Variants in MACROD2 observed in about 807,000 individuals in gnomAD.
MACROD2 encodes the protein ADP-ribose glycohydrolase MACROD2.
In MACROD2, 36 loss-of-function variants were observed where a neutral mutation model predicts 70.4. The observed-to-expected ratio is 0.51, with a 90% confidence interval of 0.39 to 0.68. The LOEUF is 0.68. MACROD2 is among the 30% of genes least tolerant of loss of function. MACROD2 has a pLI of 0.00. For missense variants in MACROD2, 496 were observed against 538.4 expected (o/e 0.92, Z 0.78); for synonymous variants, 172 against 178.8 (o/e 0.96, Z 0.30).
chr20:14,413,041 T>C (rs1241145713), intron 3 of MACROD2, among the ~76,000 whole-genome samples: 2 of 152,160 alleles, frequency 1.3e-5, no homozygotes, highest in Non-Finnish European at 2.9e-5. Flanking sequence ...TGTGGGATGT[T>C]ACATTACCAC....
chr20:14,732,628 C>G (rs1025134184), intron 5 of MACROD2, among the ~76,000 whole-genome samples: 1 of 152,036 alleles, frequency 6.6e-6, no homozygotes, highest in Non-Finnish European at 1.5e-5. Flanking sequence ...TGTTTTAGCC[C>G]GTATCTCAGG....
At chr20:14,279,052 G>A (rs55985306) in intron 3 of MACROD2, among the ~76,000 whole-genome samples, 3,359 of 152,154 alleles carry the variant, frequency 0.022, 39 homozygotes, top group Non-Finnish European at 0.024. Context: ...GCCATTAGAG[G>A]CCTTTGCATA....
intron 4 of MACROD2, among the ~76,000 whole-genome samples, chr20:14,581,104 G>A (rs887906750): frequency 3.3e-5 from 5 of 152,120 alleles, no homozygotes; most frequent in Admixed American, 3.3e-4. Context: ...CAATAACCCA[G>A]CCCAGACATT....
At position 14,211,129 on chromosome 20, in the gene MACROD2, G is replaced by A. The variant is rs79171018; in HGVS notation, c.271+125401G>A. Among the ~76,000 whole-genome samples the A allele has an allele frequency of 1.8e-3, 267 of 152,328 alleles. No individual in the cohort carries two copies. The East Asian group carries it at 0.018, about 10-fold the overall frequency. ...AGCAAATGAGGTAAACGTATACATT[G>A]TGGATTCCTTTATAATACTGTTCTA... On this transcript the variant is annotated intron_variant, in intron 3 of 17. Coordinates refer to ENST00000684519, the MANE Select transcript of MACROD2 (RefSeq NM_001351661.2).
chr20:15,440,482 T>C (rs1405803758), intron 7 of MACROD2, among the ~76,000 whole-genome samples: 1 of 152,232 alleles, frequency 6.6e-6, no homozygotes, highest in African/African-American at 2.4e-5. Flanking sequence ...TCAAGTTTGC[T>C]CTGCTTCTAA....
At chr20:14,489,981 C>G (rs923755456) in intron 3 of MACROD2, among the ~76,000 whole-genome samples, 2 of 151,972 alleles carry the variant, frequency 1.3e-5, no homozygotes, top group Non-Finnish European at 2.9e-5. Flanking sequence ...CTGCCTCAGC[C>G]TCCCGGCTCA....
chr20:14,529,414 G>A (rs2085275311), intron 4 of MACROD2, among the ~76,000 whole-genome samples: 1 of 152,090 alleles, frequency 6.6e-6, no homozygotes, highest in African/African-American at 2.4e-5. Flanking sequence ...TTTTGATATG[G>A]CTACCACGAC....
chr20:15,909,711 G>C (rs2065206271), intron 10 of MACROD2, among the ~76,000 whole-genome samples: 4 of 151,836 alleles, frequency 2.6e-5, no homozygotes, highest in Admixed American at 2.6e-4. Flanking sequence ...TTTTAGTAGA[G>C]ACGGGGTTTC....
chr20:14,617,032 C>A (rs1290180489), intron 4 of MACROD2, among the ~76,000 whole-genome samples: 1 of 151,904 alleles, frequency 6.6e-6, no homozygotes, highest in Non-Finnish European at 1.5e-5. Flanking sequence ...GGTTACAGTC[C>A]CCAAATATTT....
intron 8 of MACROD2, among the ~76,000 whole-genome samples, chr20:15,812,556 A>C (rs1025091348): frequency 2.7e-5 from 4 of 147,656 alleles, no homozygotes; most frequent in Non-Finnish European, 6.0e-5. Context: ...AGTTCTTGGT[A>C]TATTGGATTT....
intron 5 of MACROD2, among the ~76,000 whole-genome samples, chr20:14,766,350 C>T (rs902692630): frequency 3.3e-5 from 5 of 152,024 alleles, no homozygotes; most frequent in African/African-American, 7.3e-5. Context: ...CTCTGGCACA[C>T]GGTTTTGACT....
At chr20:14,758,203 C>T (rs1488693845) in intron 5 of MACROD2, 1 of 253,438 alleles carries the variant, frequency 3.9e-6, no homozygotes, top group Non-Finnish European at 7.8e-6. Flanking sequence ...TCCTTTGCTG[C>T]GTATTTCTTT....
intron 8 of MACROD2, among the ~76,000 whole-genome samples, chr20:15,540,247 C>T (rs1568878649): frequency 6.6e-6 from 1 of 152,188 alleles, no homozygotes; most frequent in Non-Finnish European, 1.5e-5. Context: ...CAAACCGTGA[C>T]TAGCCTTAAA....
At chr20:15,680,269 GATTGTTCAAGAA>G (rs1403262967) in intron 8 of MACROD2, among the ~76,000 whole-genome samples, 1 of 152,170 alleles carries the variant, frequency 6.6e-6, no homozygotes, top group Non-Finnish European at 1.5e-5. Flanking sequence ...TTCTCTACAT[GATTGTTCAAGAA>G]ACAGAAATAA....
intron 3 of MACROD2, among the ~76,000 whole-genome samples, chr20:14,442,710 T>C (rs2084137881): frequency 6.6e-6 from 1 of 152,064 alleles, no homozygotes; most frequent in Non-Finnish European, 1.5e-5. Context: ...GTCAACAGAC[T>C]ATAACCTGGC....
intron 8 of MACROD2, among the ~76,000 whole-genome samples, chr20:15,568,500 T>A (rs1219599670): frequency 1.3e-5 from 2 of 152,202 alleles, no homozygotes; most frequent in African/African-American, 2.4e-5. Flanking sequence ...AATGGCTTAT[T>A]TCTCTGTGAT....
At chr20:14,339,392 G>C (rs2122655833) in intron 3 of MACROD2, among the ~76,000 whole-genome samples, 1 of 152,162 alleles carries the variant, frequency 6.6e-6, no homozygotes, top group East Asian at 1.9e-4. Context: ...ATATTTTTCT[G>C]TTACTATGAA....
chr20:14,937,963 C>A (rs953196471), intron 5 of MACROD2, among the ~76,000 whole-genome samples: 1 of 149,862 alleles, frequency 6.7e-6, no homozygotes, highest in African/African-American at 2.4e-5. Context: ...TCACTTAACA[C>A]AATAACCACC....
chr20:15,437,322 T>A (rs886781535), intron 7 of MACROD2, among the ~76,000 whole-genome samples: 1 of 152,152 alleles, frequency 6.6e-6, no homozygotes, highest in African/African-American at 2.4e-5. Context: ...ATCTGATGAA[T>A]ATAAGAACTT....
Sources: gnomAD v4.1 joint callset for allele counts (sites outside exome capture counted in the v4.1 genomes callset) on GRCh38, gnomAD v4.1.1 for gene constraint, MANE v1.5 for transcripts, NCBI Gene and HGNC (gene_info 2026-07-23, HGNC 2026-07-21) for gene names.